The following RTN3 variants were observed in gnomAD, a reference collection of about 807,000 sequenced individuals.
RTN3 encodes reticulon 3.
Under a neutral mutation model 77.8 loss-of-function variants are expected in RTN3, and 49 were observed. The ratio of observed to expected loss-of-function variants is 0.63; its 90% CI spans 0.50 to 0.80. RTN3 has a LOEUF of 0.80. Among genes scored for constraint, RTN3 ranks in the 30% least tolerant of loss-of-function variants. The probability of loss-of-function intolerance (pLI) is 0.00; values close to 1 mark genes in which losing one functional copy is unlikely to be tolerated. For missense variants in RTN3, 1,236 were observed against 1,211.9 expected (o/e 1.02, Z -0.29); for synonymous variants, 464 against 446.9 (o/e 1.04, Z -0.48).
chr11:63,720,952 G>A lies in RTN3; in HGVS notation c.2450G>A (p.Arg817Lys). 1 of 1,613,980 alleles carries A rather than the reference G, an allele frequency of 6.2e-7. No individual in the cohort carries two copies. The highest frequency in any genetic ancestry group is 8.5e-7 in the Non-Finnish European group (1 of 1,179,948). ...CCCATCACTATCAGAGAAACTACTA[G>A]GGTAGATGCTGTTTCCAGCCTTAGC... is the stretch of plus-strand genomic sequence containing the variant. ...QKPITIRETTRVDAVSSLSKT... is the reference protein window; with the variant it reads ...QKPITIRETTKVDAVSSLSKT... Residue 817 changes from arginine (R) to lysine (K), a missense_variant, in exon 3 of 9, where the codon AGG becomes AAG. Arg to Lys is a conservative substitution (Grantham distance 26). Transcript: ENST00000377819.
intron 3 of RTN3, among the ~76,000 whole-genome samples, chr11:63,747,989 G>A (rs1401606334): frequency 2.0e-5 from 3 of 151,974 alleles, no homozygotes; most frequent in Admixed American, 6.6e-5. Context: ...GCTATTCATG[G>A]TGAAATTAGC....
intron 8 of RTN3, 133 bp from the exon 9 acceptor site, chr11:63,758,023 C>T (rs1008781067): frequency 1.4e-5 from 9 of 659,930 alleles, no homozygotes; most frequent in Non-Finnish European, 2.1e-5. Context: ...GCCACCATAC[C>T]CAGCCGGGAG....
At chr11:63,732,680 G>T (rs1341005120) in intron 3 of RTN3, among the ~76,000 whole-genome samples, 1 of 152,092 alleles carries the variant, frequency 6.6e-6, no homozygotes, top group African/African-American at 2.4e-5. Context: ...TTATATTAAA[G>T]AAATTAAATT....
At chr11:63,748,386 C>T (rs1415057437) in intron 3 of RTN3, among the ~76,000 whole-genome samples, 13 of 148,432 alleles carry the variant, frequency 8.8e-5, no homozygotes, top group African/African-American at 3.2e-4. Context: ...CTCATTCTGT[C>T]ACCCAGGCTG....
chr11:63,734,321 A>G (rs1039524377), intron 3 of RTN3, among the ~76,000 whole-genome samples: 28 of 151,868 alleles, frequency 1.8e-4, no homozygotes, highest in African/African-American at 6.5e-4. Context: ...GGTGGTGCAC[A>G]CTTGTAATCC....
At chr11:63,702,462 G>A (rs1246558629) in intron 1 of RTN3, among the ~76,000 whole-genome samples, 1 of 150,602 alleles carries the variant, frequency 6.6e-6, no homozygotes, top group Non-Finnish European at 1.5e-5. Flanking sequence ...TTACAGGCAC[G>A]TGCCACCACG....
rs1345758441 is a variant in RTN3, at chr11:63,719,682, G to A, written c.1180G>A (p.Gly394Arg). Residue 394 changes from glycine (G) to arginine (R), a missense_variant, in exon 3 of 9, where the codon GGG becomes AGG. Physicochemically the swap from Gly to Arg is moderately radical, Grantham distance 125. Transcript: ENST00000377819. ...HQKTPVCSID[G>R]STPITKSTGD... ...GAAAACTCCTGTATGTTCTATTGAT[G>A]GGAGCACTCCCATCACTAAATCAAC... 1 of 1,614,048 alleles carries A rather than the reference G, an allele frequency of 6.2e-7. No homozygotes were observed. The highest frequency in any genetic ancestry group is 1.7e-5 in the Admixed American group (1 of 60,018).
At chr11:63,683,856 C>G (rs1213432254) in intron 1 of RTN3, among the ~76,000 whole-genome samples, 2 of 151,340 alleles carry the variant, frequency 1.3e-5, no homozygotes, top group African/African-American at 4.9e-5. Context: ...AAGTGCTGTT[C>G]CAAGTACATG....
intron 3 of RTN3, among the ~76,000 whole-genome samples, chr11:63,727,902 A>G (rs1374383857): frequency 6.6e-6 from 1 of 152,242 alleles, no homozygotes; most frequent in Admixed American, 6.5e-5. Flanking sequence ...AGGCACATTT[A>G]CTGATGAAAG....
chr11:63,695,576 C>T (rs1941895522), intron 1 of RTN3, among the ~76,000 whole-genome samples: 1 of 152,226 alleles, frequency 6.6e-6, no homozygotes, highest in Non-Finnish European at 1.5e-5. Flanking sequence ...AGGTTAACAT[C>T]ATCAGTTGAT....
chr11:63,756,295 A>G (rs1029620237), intron 8 of RTN3, 125 bp downstream of exon 8: 1 of 650,500 alleles, frequency 1.5e-6, no homozygotes, highest in Non-Finnish European at 2.7e-6. Context: ...ACCTTAGTTA[A>G]TAGTTTCATT....
chr11:63,732,785 C>T (rs2012787728), intron 3 of RTN3, among the ~76,000 whole-genome samples: 2 of 152,286 alleles, frequency 1.3e-5, no homozygotes, highest in South Asian at 2.1e-4. Flanking sequence ...GAGGAGAATA[C>T]TTCCCAATTT....
rs565924886 is a variant in RTN3, at chr11:63,739,769, A to C, written c.2531-10222A>C. Among the ~76,000 whole-genome samples the C allele has an allele frequency of 2.0e-3, 308 of 152,352 alleles. 1 individual carries two copies. Among genetic ancestry groups the C allele is most frequent in the Non-Finnish European group, 3.4e-3 (231 of 68,024 alleles). On this transcript the variant is annotated intron_variant, in intron 3 of 8. Coordinates refer to ENST00000377819, the MANE Select transcript of RTN3 (RefSeq NM_001265589.2). ...TGCTCATAGAAGGTAAATTTAAGAC[A>C]TAAAAATGTTTAAGACTCTTAATCA...
intron 1 of RTN3, among the ~76,000 whole-genome samples, chr11:63,694,611 T>G (rs1476589712): frequency 6.6e-5 from 10 of 151,874 alleles, no homozygotes; most frequent in Non-Finnish European, 1.3e-4. Context: ...TAGCTAGGAC[T>G]GTAGGCGTGG....
intron 4 of RTN3, among the ~76,000 whole-genome samples, chr11:63,751,023 C>T (rs1475346047): frequency 6.6e-6 from 1 of 151,988 alleles, no homozygotes; most frequent in Non-Finnish European, 1.5e-5. Flanking sequence ...TGAGCCACCG[C>T]TCCCGACCAT....
intron 2 of RTN3, among the ~76,000 whole-genome samples, chr11:63,716,985 A>AAAC (rs2011448567): frequency 6.7e-6 from 1 of 149,060 alleles, no homozygotes; most frequent in Non-Finnish European, 1.5e-5. Flanking sequence ...AAAACAAAAA[A>AAAC]AAAAAAAAAA....
intron 3 of RTN3, among the ~76,000 whole-genome samples, chr11:63,732,495 G>GAA (rs34055001): frequency 3.2e-5 from 4 of 125,212 alleles, no homozygotes; most frequent in African/African-American, 1.2e-4. Flanking sequence ...GACTGGACAA[G>GAA]AAAAAAAAAA....
At chr11:63,748,352 CTT>C (rs112993177) in intron 3 of RTN3, among the ~76,000 whole-genome samples, 21 of 138,772 alleles carry the variant, frequency 1.5e-4, no homozygotes, top group Non-Finnish European at 1.1e-4. Context: ...GCCCCACTCA[CTT>C]TTTTTTTTTT....
chr11:63,737,492 C>G (rs1055946788), intron 3 of RTN3, among the ~76,000 whole-genome samples: 2 of 152,006 alleles, frequency 1.3e-5, no homozygotes, highest in African/African-American at 2.4e-5. Flanking sequence ...CACCCGTAGC[C>G]CCAGCTGTTA....
Sources: gnomAD v4.1 joint callset for allele counts (sites outside exome capture counted in the v4.1 genomes callset) on GRCh38, gnomAD v4.1.1 for gene constraint, MANE v1.5 for transcripts, NCBI Gene and HGNC (gene_info 2026-07-23, HGNC 2026-07-21) for gene names.